NFILZ: variants seen among roughly 807,000 people sequenced by gnomAD.
NFILZ encodes NFIL3 like basic leucine zipper.
chr19:8,671,347 TCGGGCAGCAGAA>T (rs2043086026), intron 3 of NFILZ, among the ~76,000 whole-genome samples: 2 of 151,926 alleles, frequency 1.3e-5, no homozygotes, highest in Admixed American at 6.6e-5. Context: ...TTAAATAAAC[TCGGGCAGCAGAA>T]CTATCTGCTG....
At chr19:8,661,100 CTCCTTCCT>C (rs1555749063) in intron 3 of NFILZ, among the ~76,000 whole-genome samples, 1,298 of 61,200 alleles carry the variant, frequency 0.021, 31 homozygotes, top group African/African-American at 0.04. Context: ...CCCTCCCTTC[CTCCTTCCT>C]TCCTTCCTTC....
intron 1 of NFILZ, among the ~76,000 whole-genome samples, chr19:8,631,830 TTG>T (rs71179868): frequency 0.02 from 2,984 of 145,946 alleles, 60 homozygotes; most frequent in East Asian, 0.096. Context: ...GTCCTCGCTT[TTG>T]TGTGTGTGTG....
At chr19:8,656,479 CCGCAGCCCA>C (rs2043002508) in intron 3 of NFILZ, among the ~76,000 whole-genome samples, 1 of 76,654 alleles carries the variant, frequency 1.3e-5, no homozygotes, top group African/African-American at 6.2e-5. Flanking sequence ...CCACCTTCTC[CCGCAGCCCA>C]CCTTCTCCCG....
chr19:8,650,409 CT>C (rs2042960131), intron 3 of NFILZ, among the ~76,000 whole-genome samples: 1 of 151,776 alleles, frequency 6.6e-6, no homozygotes, highest in Non-Finnish European at 1.5e-5. Flanking sequence ...AATCCCAGCA[CT>C]TTGGGAGGCC....
At chr19:8,645,345 C>T (rs1259693966) in intron 3 of NFILZ, among the ~76,000 whole-genome samples, 1 of 149,708 alleles carries the variant, frequency 6.7e-6, no homozygotes, top group African/African-American at 2.5e-5. Flanking sequence ...AGCCATGTTG[C>T]CCAGGCTGGT....
chr19:8,636,394 G>A (rs549991806), intron 3 of NFILZ, among the ~76,000 whole-genome samples: 60 of 147,782 alleles, frequency 4.1e-4, no homozygotes, highest in African/African-American at 1.4e-3. Flanking sequence ...GTTGCAGTGA[G>A]CCGAGATTGC....
chr19:8,640,216 C>T (rs1486567664), intron 3 of NFILZ, among the ~76,000 whole-genome samples: 1 of 152,082 alleles, frequency 6.6e-6, no homozygotes, highest in Non-Finnish European at 1.5e-5. Context: ...TGATTTTCCC[C>T]CAGATCACTC....
At chr19:8,640,336 T>TTTTTTTTTC in intron 3 of NFILZ, among the ~76,000 whole-genome samples, 1 of 133,054 alleles carries the variant, frequency 7.5e-6, no homozygotes, top group Non-Finnish European at 1.6e-5. Context: ...TTTTTTTTTT[T>TTTTTTTTTC]ACCATTGCTT....
Position 8,656,445 on chromosome 19 carries a change from C to CTCCCT in NFILZ, c.-163-18106_-163-18105insTCCCT, listed in dbSNP as rs1568421649. Reference sequence around the variant, plus strand: ...CTCTTTCCGCAGCCCACCTTCTCCTCGAAGCCCACCTTCTCTCTGAAGCCC... The same window carrying CTCCCT: ...CTCTTTCCGCAGCCCACCTTCTCCTCTCCCTGAAGCCCACCTTCTCTCTGAAGCCC... On this transcript the variant is annotated intron_variant, in intron 3 of 5. Coordinates refer to ENST00000691075, the MANE Select transcript of NFILZ (RefSeq NM_001378600.1). 6.5e-3 allele frequency among the ~76,000 whole-genome samples: 123 copies of CTCCCT among 18,860 alleles called. 3 individuals are homozygous for CTCCCT. The highest frequency in any genetic ancestry group is 0.013 in the African/African-American group (115 of 8,520). 12.4% of individuals were successfully genotyped at this position (18,860 alleles called of 152,430 possible). A position where few individuals can be genotyped will look rare whatever the true frequency, so the allele number is the denominator to read the frequency against.
rs1225547732 is a variant in NFILZ at position 8,650,576 on chromosome 19, C to T, written c.-164+14830C>T. 2.0e-5 allele frequency among the ~76,000 whole-genome samples: 3 copies of T among 150,170 alleles called. No homozygotes were observed. In the Admixed American group the frequency reaches 2.0e-4, roughly 10 times the overall value. ...GTCTGAGGCAGGATAATTGCTTGAA[C>T]ATGGGAGGCGGAGGTTACAGCGAGC... On this transcript the variant is annotated intron_variant, in intron 3 of 5. Transcript: ENST00000691075.
At position 8,641,140 on chromosome 19, in the gene NFILZ, C is replaced by T. The variant is rs1230490660; in HGVS notation, c.-164+5394C>T. Among the ~76,000 whole-genome samples, 6 of 152,188 alleles carry T rather than the reference C, an allele frequency of 3.9e-5. No homozygotes were observed. The East Asian group carries it at 1.2e-3, about 29-fold the overall frequency. The stretch of plus-strand genomic sequence containing the variant: ...TCACGGCTCACCACAACCTCGACCT[C>T]CCAGGCTCAAGTGATCCTCACACCT... On this transcript the variant is annotated intron_variant, in intron 3 of 5. Transcript: ENST00000691075.
rs2043141342 is a variant in NFILZ at position 8,680,431 on chromosome 19, A to G, written c.*2796A>G. On this transcript the variant is annotated 3_prime_UTR_variant, in exon 6 of 6. Transcript: ENST00000691075. ...TTGTTGTAAAAAGTCTGAAAATCAT[A>G]TGCAGCCGAGTTGGCAGTCTTTTCT... Among the ~76,000 whole-genome samples, 2 of 152,118 alleles carry G rather than the reference A, an allele frequency of 1.3e-5. No homozygotes were observed. Among genetic ancestry groups the G allele is most frequent in the African/African-American group, 2.4e-5 (1 of 41,416 alleles).
chr19:8,680,460 G>A lies in NFILZ; in HGVS notation c.*2825G>A, dbSNP rs2043141498. ...AGCCGAGTTGGCAGTCTTTTCTTTT[G>A]TGGTTTGTACATTTTTGTCATGTTT... On this transcript the variant is annotated 3_prime_UTR_variant, in exon 6 of 6. Transcript: ENST00000691075. Among the ~76,000 whole-genome samples, 1 of 152,004 alleles carries A rather than the reference G, an allele frequency of 6.6e-6. No homozygotes were observed. The highest frequency in any genetic ancestry group is 2.4e-5 in the African/African-American group (1 of 41,386).
chr19:8,638,185 G>A lies in NFILZ; in HGVS notation c.-164+2439G>A, dbSNP rs138278660. Reference sequence around the variant, plus strand: ...CACACTCACCCCTAGATTCTACAACGAACTCATTGCCATTCCGCGGTAAAC... The same window carrying A: ...CACACTCACCCCTAGATTCTACAACAAACTCATTGCCATTCCGCGGTAAAC... On this transcript the variant is annotated intron_variant, in intron 3 of 5. Transcript: ENST00000691075. Among the ~76,000 whole-genome samples the A allele has an allele frequency of 7.2e-4, 109 of 152,220 alleles. 2 individuals carry two copies. The East Asian group carries it at 0.015, about 21-fold the overall frequency.
Position 8,678,971 on chromosome 19 carries a change from AGGG to A in NFILZ, c.*1337_*1339del, listed in dbSNP as rs2043132090. On this transcript the variant is annotated 3_prime_UTR_variant, in exon 6 of 6. Transcript: ENST00000691075. The stretch of plus-strand genomic sequence containing the variant: ...CAGACTGAAGGAGGAGGTAACGTCT[AGGG>A]TGTCTGAATCCCCCTTCTTGGTGTC... Among the ~76,000 whole-genome samples, 1 of 152,088 alleles carries A rather than the reference AGGG, an allele frequency of 6.6e-6. No individual in the cohort carries two copies. Among genetic ancestry groups the A allele is most frequent in the African/African-American group, 2.4e-5 (1 of 41,418 alleles).
chr19:8,659,769 A>G (rs540561265), intron 3 of NFILZ, among the ~76,000 whole-genome samples: 1 of 152,264 alleles, frequency 6.6e-6, no homozygotes, highest in East Asian at 1.9e-4. Flanking sequence ...GTGCCCTCTG[A>G]GTCCCCACGG....
At chr19:8,634,899 AAAC>A (rs2042887903) in intron 2 of NFILZ, among the ~76,000 whole-genome samples, 1 of 139,740 alleles carries the variant, frequency 7.2e-6, no homozygotes, top group African/African-American at 2.7e-5. Flanking sequence ...ACAAACAAAC[AAAC>A]AAAAAAACAA....
chr19:8,660,366 C>G (rs1002444863), intron 3 of NFILZ, among the ~76,000 whole-genome samples: 4 of 151,888 alleles, frequency 2.6e-5, no homozygotes, highest in African/African-American at 9.7e-5. Flanking sequence ...GGGGAATGGT[C>G]CCTGTTCTCG....
chr19:8,631,496 T>G (rs572532593), intron 1 of NFILZ, among the ~76,000 whole-genome samples: 17 of 152,128 alleles, frequency 1.1e-4, no homozygotes, highest in Middle Eastern at 3.4e-3. Context: ...GGCAGGCGTG[T>G]CTTCTGGGAA....
Sources: gnomAD v4.1 joint callset for allele counts (sites outside exome capture counted in the v4.1 genomes callset) on GRCh38, gnomAD v4.1.1 for gene constraint, MANE v1.5 for transcripts, NCBI Gene and HGNC (gene_info 2026-07-23, HGNC 2026-07-21) for gene names.